CCDC85C: variants seen among roughly 807,000 people sequenced by gnomAD.
CCDC85C encodes coiled-coil domain containing 85C, also known as coiled-coil domain-containing protein 85C.
In CCDC85C, 18 loss-of-function variants were observed where a neutral mutation model predicts 38.3. That is an observed-to-expected ratio of 0.47 (90% CI 0.33 to 0.70). CCDC85C has a LOEUF of 0.70. Among genes scored for constraint, CCDC85C ranks in the 30% least tolerant of loss-of-function variants. The pLI, the probability that CCDC85C is intolerant of heterozygous loss-of-function variation, is 0.03. For missense variants in CCDC85C, 566 were observed against 621.2 expected, an observed-to-expected ratio of 0.91 and a Z score of 0.94; for synonymous variants, 264 against 293.8, an observed-to-expected ratio of 0.90 and a Z score of 1.04.
chr14:99,573,186 C>G (rs1257997034), intron 1 of CCDC85C, among the ~76,000 whole-genome samples: 1 of 152,220 alleles, frequency 6.6e-6, no homozygotes, highest in Admixed American at 6.5e-5. Flanking sequence ...TGCTGCTCAG[C>G]GGTCCAGCGT....
At chr14:99,592,968 A>T (rs1473367286) in intron 1 of CCDC85C, among the ~76,000 whole-genome samples, 3 of 152,198 alleles carry the variant, frequency 2.0e-5, no homozygotes, top group African/African-American at 4.8e-5. Context: ...AATTTTCTGG[A>T]GAAAGGGTGG....
rs1897530041 is a variant in CCDC85C at position 99,533,365 on chromosome 14, G to A, written c.867+2650C>T. ...CCTGCCACACCACACAGAGATACAAGCTCCTTCAGCGACCACTCCAGCAGC... is the reference window on the plus strand; with the variant it reads ...CCTGCCACACCACACAGAGATACAAACTCCTTCAGCGACCACTCCAGCAGC... On this transcript the variant is annotated intron_variant, in intron 2 of 5. Transcript: ENST00000380243. This position sits in a 1 kb window ranked among gnomAD's most constrained non-coding sequence, Gnocchi z 4.2. Among the ~76,000 whole-genome samples, 1 of 152,228 alleles carries A rather than the reference G, an allele frequency of 6.6e-6. No individual in the cohort carries two copies. Among genetic ancestry groups the A allele is most frequent in the Non-Finnish European group, 1.5e-5 (1 of 68,026 alleles).
chr14:99,544,046 G>A lies in CCDC85C; in HGVS notation c.794-7958C>T, dbSNP rs966214075. 1.3e-5 allele frequency among the ~76,000 whole-genome samples: 2 copies of A among 152,134 alleles called. No individual in the cohort carries two copies. The highest frequency in any genetic ancestry group is 2.4e-5 in the African/African-American group (1 of 41,424). ...AAGAAGAGAACCATCTTTCCCATTC[G>A]CACACACACAGTTTGCTGAGTACCC... On this transcript the variant is annotated intron_variant, in intron 1 of 5. Coordinates refer to ENST00000380243, the MANE Select transcript of CCDC85C (RefSeq NM_001144995.2). This position sits in a 1 kb window ranked among gnomAD's most constrained non-coding sequence, Gnocchi z 5.3.
intron 1 of CCDC85C, among the ~76,000 whole-genome samples, chr14:99,555,359 C>T (rs536754056): frequency 6.6e-6 from 1 of 152,354 alleles, no homozygotes; most frequent in East Asian, 1.9e-4. Context: ...TGTCCGCCGG[C>T]TTGTCCAAGG....
Position 99,502,650 on chromosome 14 carries a change from T to G in CCDC85C, c.*12596A>C. The G allele has an allele frequency of 6.8e-7, 1 of 1,466,904 alleles. No individual in the cohort carries two copies. The highest frequency in any genetic ancestry group is 9.4e-7 in the Non-Finnish European group (1 of 1,059,242). The allele number at this position is 1,466,904 out of a possible 1,614,324, so 90.9% of individuals were successfully genotyped here. A position where few individuals can be genotyped will look rare whatever the true frequency, so the allele number is the denominator to read the frequency against. On this transcript the variant is annotated 3_prime_UTR_variant, in exon 6 of 6. Transcript: ENST00000380243. ...TCCTCGTAGGGGTATCATAACTGAT[T>G]CTTTATCCAGGTAAAATTTTATTTA...
At chr14:99,561,924 G>A (rs1898124766) in intron 1 of CCDC85C, among the ~76,000 whole-genome samples, 1 of 152,204 alleles carries the variant, frequency 6.6e-6, no homozygotes, top group Non-Finnish European at 1.5e-5. Flanking sequence ...CCTGGCCCTT[G>A]CCTGGCATGC....
chr14:99,569,873 G>C lies in CCDC85C; in HGVS notation c.793+33294C>G, dbSNP rs1003906390. On this transcript the variant is annotated intron_variant, in intron 1 of 5. Coordinates refer to ENST00000380243, the MANE Select transcript of CCDC85C (RefSeq NM_001144995.2). This position sits in a 1 kb window ranked among gnomAD's most constrained non-coding sequence, Gnocchi z 4.3. ...CAACTTTGGGAAGCTGAGGCGGGAG[G>C]ATAGCATGAGCCCAGGAGGTCAAGG... Among the ~76,000 whole-genome samples the C allele has an allele frequency of 6.6e-6, 1 of 152,164 alleles. No homozygotes were observed. Among genetic ancestry groups the C allele is most frequent in the Admixed American group, 6.5e-5 (1 of 15,296 alleles).
rs188328194 is a variant in CCDC85C at position 99,535,909 on chromosome 14, G to A, written c.867+106C>T. On this transcript the variant is annotated intron_variant, in intron 2 of 5. Coordinates refer to ENST00000380243, the MANE Select transcript of CCDC85C (RefSeq NM_001144995.2). The surrounding 1 kb of genome is among the most constrained non-coding windows in gnomAD (Gnocchi z 5.5). ...GAGGTGACAGGTGGCAGTGGGAGCA[G>A]TTGGGGGGACAGCCTAGGTCCCAAG... 340 of 831,580 alleles carry A rather than the reference G, an allele frequency of 4.1e-4. 3 individuals are homozygous for A. The African/African-American group carries it at 5.3e-3, about 13-fold the overall frequency. 51.5% of individuals were successfully genotyped at this position (831,580 alleles called of 1,614,324 possible). A position where few individuals can be genotyped will look rare whatever the true frequency, so the allele number is the denominator to read the frequency against.
chr14:99,518,211 A>G (rs774033820), intron 3 of CCDC85C, among the ~76,000 whole-genome samples: 27 of 151,642 alleles, frequency 1.8e-4, no homozygotes, highest in Non-Finnish European at 3.8e-4. Flanking sequence ...AGGACCTGGA[A>G]CCCCCTGCAG....
At position 99,502,748 on chromosome 14, in the gene CCDC85C, T is replaced by G; in HGVS notation, c.*12498A>C. 6.2e-7 allele frequency: 1 copy of G among 1,613,624 alleles called. No homozygotes were observed. The highest frequency in any genetic ancestry group is 8.5e-7 in the Non-Finnish European group (1 of 1,179,606). ...CTGCCACCAAATCCTGGATCTTTACTCACAAGGAAAACAACAGATGCCTCA... is the reference window on the plus strand; with the variant it reads ...CTGCCACCAAATCCTGGATCTTTACGCACAAGGAAAACAACAGATGCCTCA... On this transcript the variant is annotated 3_prime_UTR_variant, in exon 6 of 6. Coordinates refer to ENST00000380243, the MANE Select transcript of CCDC85C (RefSeq NM_001144995.2).
chr14:99,543,576 A>T (rs1897753362), intron 1 of CCDC85C, among the ~76,000 whole-genome samples: 1 of 152,164 alleles, frequency 6.6e-6, no homozygotes, highest in Non-Finnish European at 1.5e-5. Context: ...CGAGCTGAGC[A>T]CTGAAGAGCA....
intron 2 of CCDC85C, chr14:99,534,979 TC>T: frequency 2.1e-6 from 1 of 480,488 alleles, no homozygotes; most frequent in Non-Finnish European, 3.8e-6. Context: ...ACTCTGCTAA[TC>T]CCACCAGGCC....
rs566261602 is a variant in CCDC85C, at chr14:99,594,776, T to G, written c.793+8391A>C. 1.3e-3 allele frequency among the ~76,000 whole-genome samples: 194 copies of G among 152,264 alleles called. 1 individual carries two copies. Among genetic ancestry groups the G allele is most frequent in the South Asian group, 7.1e-3 (34 of 4,822 alleles). The stretch of plus-strand genomic sequence containing the variant: ...GGAGAGGCACAGACTTACACATGGT[T>G]GGGTCTCAAGTGGGCTGAAGCCACT... On this transcript the variant is annotated intron_variant, in intron 1 of 5. Coordinates refer to ENST00000380243, the MANE Select transcript of CCDC85C (RefSeq NM_001144995.2).
Position 99,516,274 on chromosome 14 carries a change from G to C in CCDC85C, c.1084C>G (p.His362Asp). 1.3e-6 allele frequency: 2 copies of C among 1,550,992 alleles called. No individual in the cohort carries two copies. Among genetic ancestry groups the C allele is most frequent in the Non-Finnish European group, 1.7e-6 (2 of 1,146,804 alleles). Residue 362 changes from histidine (H) to aspartate (D), a missense_variant, in exon 5 of 6, where the codon CAC becomes GAC. Physicochemically the swap from His to Asp is moderately conservative, Grantham distance 81. Around this residue, in one of 3 missense-constraint regions of CCDC85C, gnomAD observed 286 missense variants for 276.4 expected, o/e 1.03. Coordinates refer to ENST00000380243, the MANE Select transcript of CCDC85C (RefSeq NM_001144995.2). This position sits in a 1 kb window ranked among gnomAD's most constrained non-coding sequence, Gnocchi z 5.5. ...VVHAMKVLEV[H>D]ENLDRQLQDS... ...TGGAGCTGCCGGTCCAGATTCTCGT[G>C]TACCTCCAGGACCTGAAGGGAACGG...
In CCDC85C at chr14:99,503,784, C is replaced by T. The variant is rs1330079912; in HGVS notation, c.*11462G>A. 1.0e-5 allele frequency: 7 copies of T among 677,140 alleles called. No individual in the cohort carries two copies. Among genetic ancestry groups the T allele is most frequent in the Non-Finnish European group, 1.8e-5 (7 of 396,746 alleles). The allele number at this position is 677,140 out of a possible 1,614,324, so 41.9% of individuals were successfully genotyped here. ...AGCTCATACAAAACTTTTCCATCAG[C>T]ATTGTCTTTCTGTTCATCACCTGAT... On this transcript the variant is annotated 3_prime_UTR_variant, in exon 6 of 6. Transcript: ENST00000380243.
intron 1 of CCDC85C, among the ~76,000 whole-genome samples, chr14:99,554,614 C>T (rs1052756373): frequency 2.0e-5 from 3 of 152,196 alleles, no homozygotes; most frequent in Non-Finnish European, 2.9e-5. Context: ...GGGAAGCCAC[C>T]ACCCACAGGC....
At position 99,544,409 on chromosome 14, in the gene CCDC85C, C is replaced by G. The variant is rs755026512; in HGVS notation, c.794-8321G>C. On this transcript the variant is annotated intron_variant, in intron 1 of 5. Transcript: ENST00000380243. This position sits in a 1 kb window ranked among gnomAD's most constrained non-coding sequence, Gnocchi z 5.3. The stretch of plus-strand genomic sequence containing the variant: ...GGCACAGCAACTTTCACCTACTCCC[C>G]CAACAAAGAGACCGAGGTTCCGAGG... 2.6e-5 allele frequency among the ~76,000 whole-genome samples: 4 copies of G among 152,142 alleles called. No individual in the cohort carries two copies. The highest frequency in any genetic ancestry group is 5.9e-5 in the Non-Finnish European group (4 of 68,028).
intron 2 of CCDC85C, among the ~76,000 whole-genome samples, chr14:99,527,713 T>C (rs1322576518): frequency 1.3e-5 from 2 of 152,150 alleles, no homozygotes; most frequent in South Asian, 2.1e-4. Context: ...TCAGCAGCCC[T>C]GGAGACCTCC....
At chr14:99,551,284 C>G (rs1259100260) in intron 1 of CCDC85C, among the ~76,000 whole-genome samples, 1 of 152,192 alleles carries the variant, frequency 6.6e-6, no homozygotes, top group Non-Finnish European at 1.5e-5. Context: ...CGCATCCTGC[C>G]AGAGGCCACA....
Sources: allele counts gnomAD v4.1 joint callset (sites outside exome capture counted in the v4.1 genomes callset), GRCh38; gene constraint gnomAD v4.1.1; regional missense constraint gnomAD v4.1.1; non-coding constraint Gnocchi (gnomAD v3.1); transcripts MANE v1.5; gene names NCBI Gene and HGNC (gene_info 2026-07-23, HGNC 2026-07-21).